The following STK32B variants were observed in gnomAD, a reference collection of about 807,000 sequenced individuals.
The protein encoded by STK32B is serine/threonine-protein kinase 32B.
STK32B carries 43 observed loss-of-function variants against 52.6 expected under a neutral mutation model. The ratio of observed to expected loss-of-function variants is 0.82; its 90% CI spans 0.64 to 1.05. STK32B has a LOEUF of 1.05. STK32B is among the 50% of genes least tolerant of loss of function. The pLI is 0.00. For synonymous variants in STK32B, 238 were observed against 204.3 expected, an observed-to-expected ratio of 1.17 and a Z score of -1.41; for missense variants, 621 against 534.6, an observed-to-expected ratio of 1.16 and a Z score of -1.59.
intron 3 of STK32B, among the ~76,000 whole-genome samples, chr4:5,306,557 G>C (rs984302747): frequency 6.6e-6 from 1 of 152,074 alleles, no homozygotes; most frequent in East Asian, 1.9e-4. Context: ...TTGTCTTGAA[G>C]AGAGCAGATA....
At chr4:5,268,228 C>A (rs1316399203) in intron 3 of STK32B, among the ~76,000 whole-genome samples, 4 of 152,142 alleles carry the variant, frequency 2.6e-5, no homozygotes, top group South Asian at 2.1e-4. Flanking sequence ...ATACCTTTTT[C>A]TCTGAGGTGG....
rs545275678 is a variant in STK32B, at chr4:5,446,271, A to G, written c.563-402A>G. On this transcript the variant is annotated intron_variant, in intron 6 of 11. Transcript: ENST00000282908. Reference sequence around the variant, plus strand: ...AAAGTACAGGTTTTACTGTCCAAGAAAGCTAGATTTCTGACCGGATGCGAT... The same window carrying G: ...AAAGTACAGGTTTTACTGTCCAAGAGAGCTAGATTTCTGACCGGATGCGAT... Among the ~76,000 whole-genome samples, 3 of 152,308 alleles carry G rather than the reference A, an allele frequency of 2.0e-5. No individual in the cohort carries two copies. The South Asian group carries it at 6.2e-4, about 32-fold the overall frequency.
chr4:5,488,594 A>C (rs1375424680), intron 11 of STK32B, among the ~76,000 whole-genome samples: 1 of 152,176 alleles, frequency 6.6e-6, no homozygotes, highest in Non-Finnish European at 1.5e-5. Flanking sequence ...TCTGTGACTC[A>C]CATAGACCAT....
At chr4:5,338,364 G>A (rs1397430823) in intron 4 of STK32B, among the ~76,000 whole-genome samples, 2 of 152,160 alleles carry the variant, frequency 1.3e-5, no homozygotes, top group African/African-American at 2.4e-5. Flanking sequence ...TCTGGTTCTG[G>A]AATCTGTGCT....
At chr4:5,121,806 G>A (rs12640988) in intron 1 of STK32B, among the ~76,000 whole-genome samples, 35,128 of 152,102 alleles carry the variant, frequency 0.23, 4,538 homozygotes, top group East Asian at 0.41. Flanking sequence ...CAGCTAAGGA[G>A]ACTGCTGTCC....
chr4:5,069,552 A>G (rs1407203095), intron 1 of STK32B, among the ~76,000 whole-genome samples: 2 of 152,178 alleles, frequency 1.3e-5, no homozygotes, highest in African/African-American at 4.8e-5. Context: ...CATTGCCTGG[A>G]GTCGAAAGCT....
chr4:5,089,941 C>T (rs1272343773), intron 1 of STK32B, among the ~76,000 whole-genome samples: 2 of 152,080 alleles, frequency 1.3e-5, no homozygotes, highest in East Asian at 1.9e-4. Flanking sequence ...ATTGTGGTTT[C>T]GATTTGCATT....
intron 11 of STK32B, among the ~76,000 whole-genome samples, chr4:5,477,554 A>T (rs1718337876): frequency 2.0e-5 from 3 of 152,144 alleles, no homozygotes; most frequent in African/African-American, 7.2e-5. Flanking sequence ...GCACAGTTTC[A>T]GTGACTTAAC....
chr4:5,432,795 T>TAAC (rs4017780), intron 6 of STK32B, among the ~76,000 whole-genome samples: 103,230 of 151,584 alleles, frequency 0.68, 36,322 homozygotes, highest in East Asian at 0.97. Flanking sequence ...ATGTGAATAA[T>TAAC]AACAATAATA....
intron 6 of STK32B, among the ~76,000 whole-genome samples, chr4:5,445,415 TG>T (rs1365398098): frequency 9.9e-5 from 15 of 152,278 alleles, no homozygotes; most frequent in African/African-American, 3.6e-4. Flanking sequence ...GACTTATGCC[TG>T]CAAATTAATT....
intron 3 of STK32B, among the ~76,000 whole-genome samples, chr4:5,268,543 GTGTGTGTGTGTGTGT>G (rs1452393520): frequency 0.027 from 1,737 of 63,756 alleles, 21 homozygotes; most frequent in South Asian, 0.12. Context: ...GGTGTGGTGT[GTGTGTGTGTGTGTGT>G]GTGTGTGTGT....
In STK32B at chr4:5,058,060, T is replaced by C. The variant is rs1159263591; in HGVS notation, c.52+6145T>C. Among the ~76,000 whole-genome samples the C allele has an allele frequency of 6.6e-6, 1 of 152,220 alleles. No individual in the cohort carries two copies. The highest frequency in any genetic ancestry group is 6.5e-5 in the Admixed American group (1 of 15,284). The stretch of plus-strand genomic sequence containing the variant: ...CGTTGTTAGCAATCCTGGAGTCTTC[T>C]TCTTCTCAGTCCTTGATTTTTGTGA... On this transcript the variant is annotated intron_variant, in intron 1 of 11. Coordinates refer to ENST00000282908, the MANE Select transcript of STK32B (RefSeq NM_018401.3). This position sits in a 1 kb window ranked among gnomAD's most constrained non-coding sequence, Gnocchi z 4.8.
At chr4:5,457,038 C>A in intron 8 of STK32B, 115 bp downstream of exon 8, 1 of 729,452 alleles carries the variant, frequency 1.4e-6, no homozygotes, top group Non-Finnish European at 2.1e-6. Flanking sequence ...TAGAGATGAT[C>A]AAATCAGCTG....
intron 11 of STK32B, among the ~76,000 whole-genome samples, chr4:5,484,346 CCTT>C (rs1242040740): frequency 6.6e-6 from 1 of 152,132 alleles, no homozygotes. Flanking sequence ...TATGTAATGG[CCTT>C]CTTTGTCTCT....
intron 3 of STK32B, among the ~76,000 whole-genome samples, chr4:5,326,203 G>A (rs150977720): frequency 7.9e-5 from 12 of 152,182 alleles, no homozygotes; most frequent in African/African-American, 2.9e-4. Context: ...GGTTATTAAT[G>A]CAATGTTTCA....
chr4:5,048,595 C>T (rs1275159183), upstream of STK32B, among the ~76,000 whole-genome samples: 1 of 152,136 alleles, frequency 6.6e-6, no homozygotes, highest in Non-Finnish European at 1.5e-5. Context: ...CCGTGCCTGG[C>T]CTAATTTTTG....
intron 2 of STK32B, among the ~76,000 whole-genome samples, chr4:5,149,976 A>G (rs1203365920): frequency 1.3e-5 from 2 of 151,844 alleles, no homozygotes; most frequent in Non-Finnish European, 2.9e-5. Flanking sequence ...TTCTTGAAGA[A>G]TATTTCTACT....
At position 5,317,295 on chromosome 4, in the gene STK32B, A is replaced by AATATATAACATATAAC. The variant is rs1560313702; in HGVS notation, c.261-13917_261-13916insCATATAACATATATAA. ...AATATATAACATATAACATATATATAATATATAATATATAACATATGTATA... is the reference window on the plus strand; with the variant it reads ...AATATATAACATATAACATATATATAATATATAACATATAACATATATAATATATAACATATGTATA... On this transcript the variant is annotated intron_variant, in intron 3 of 11. Transcript: ENST00000282908. Among the ~76,000 whole-genome samples, 9 of 37,876 alleles carry AATATATAACATATAAC rather than the reference A, an allele frequency of 2.4e-4. 3 individuals carry two copies. The highest frequency in any genetic ancestry group is 1.7e-3 in the African/African-American group (8 of 4,764). 24.8% of individuals were successfully genotyped at this position (37,876 alleles called of 152,430 possible).
At chr4:5,419,491 C>G (rs1712447420) in intron 6 of STK32B, among the ~76,000 whole-genome samples, 1 of 152,174 alleles carries the variant, frequency 6.6e-6, no homozygotes, top group Non-Finnish European at 1.5e-5. Context: ...CTTTCAATGC[C>G]CCTGATACTA....
Sources: allele counts gnomAD v4.1 joint callset (sites outside exome capture counted in the v4.1 genomes callset), GRCh38; gene constraint gnomAD v4.1.1; non-coding constraint Gnocchi (gnomAD v3.1); transcripts MANE v1.5; gene names NCBI Gene and HGNC (gene_info 2026-07-23, HGNC 2026-07-21).